The following GRAMD1B variants were observed in gnomAD, a reference collection of about 807,000 sequenced individuals.
GRAMD1B encodes GRAM domain containing 1B, also known as protein Aster-B.
GRAMD1B carries 37 observed loss-of-function variants against 99.7 expected under a neutral mutation model. The ratio of observed to expected loss-of-function variants is 0.37; its 90% confidence interval spans 0.29 to 0.49. GRAMD1B has a LOEUF of 0.49. Ranked by LOEUF, GRAMD1B falls within the 20% of genes least tolerant of loss-of-function variation. The probability of loss-of-function intolerance (pLI) is 0.98; values close to 1 mark genes in which losing one functional copy is unlikely to be tolerated. For missense variants in GRAMD1B, 888 were observed against 1,009.2 expected (o/e 0.88, Z 1.63); for synonymous variants, 427 against 387.6 (o/e 1.10, Z -1.19).
chr11:123,388,686 C>T (rs2135836876), intron 1 of GRAMD1B, among the ~76,000 whole-genome samples: 1 of 99,418 alleles, frequency 1.0e-5, no homozygotes, highest in Admixed American at 9.0e-5. Flanking sequence ...CTGTTTCAAA[C>T]AAACAAACAA....
At chr11:123,535,743 TTGTC>T (rs1220804855) in intron 2 of GRAMD1B, among the ~76,000 whole-genome samples, 2 of 152,206 alleles carry the variant, frequency 1.3e-5, no homozygotes, top group Non-Finnish European at 1.5e-5. Flanking sequence ...AAGATGAACA[TTGTC>T]TGTTCACCGT....
chr11:123,604,966 C>G (rs898061931), intron 9 of GRAMD1B, among the ~76,000 whole-genome samples: 1 of 152,100 alleles, frequency 6.6e-6, no homozygotes, highest in Admixed American at 6.5e-5. Flanking sequence ...TGCTCAGAAC[C>G]CAGATATTTG....
chr11:123,471,750 A>G (rs182350469), intron 1 of GRAMD1B, among the ~76,000 whole-genome samples: 41 of 152,328 alleles, frequency 2.7e-4, no homozygotes, highest in Admixed American at 2.0e-3. Flanking sequence ...GGCATTGAGT[A>G]TAACATCCAG....
At chr11:123,386,340 C>T (rs1947056498) in intron 1 of GRAMD1B, among the ~76,000 whole-genome samples, 1 of 152,102 alleles carries the variant, frequency 6.6e-6, no homozygotes, top group African/African-American at 2.4e-5. Flanking sequence ...GGAAGACCTC[C>T]TCAAGGGGTG....
chr11:123,492,139 A>G lies in GRAMD1B; in HGVS notation c.452+11246A>G, dbSNP rs1227552981. ...GACTGGGAGACTGAGTCTGTGCCTC[A>G]CTGTGTGCCTCCCAACGAGGTGCCT... On this transcript the variant is annotated intron_variant, in intron 2 of 19. Transcript: ENST00000635736. This position sits in a 1 kb window ranked among gnomAD's most constrained non-coding sequence, Gnocchi z 4.2. Among the ~76,000 whole-genome samples, 1 of 152,176 alleles carries G rather than the reference A, an allele frequency of 6.6e-6. No individual in the cohort carries two copies. Among genetic ancestry groups the G allele is most frequent in the Non-Finnish European group, 1.5e-5 (1 of 68,018 alleles).
At chr11:123,452,339 T>C (rs1373671704) in intron 1 of GRAMD1B, among the ~76,000 whole-genome samples, 4 of 152,294 alleles carry the variant, frequency 2.6e-5, no homozygotes, top group East Asian at 1.9e-4. Context: ...GTGAAGGACA[T>C]TTTTTCTGGT....
At chr11:123,618,138 C>A (rs528953041) in intron 17 of GRAMD1B, among the ~76,000 whole-genome samples, 1 of 152,130 alleles carries the variant, frequency 6.6e-6, no homozygotes, top group African/African-American at 2.4e-5. Context: ...ATTTAGCACC[C>A]GTGGAAATAC....
intron 10 of GRAMD1B, 134 bp from the exon 11 acceptor site, chr11:123,606,475 C>T: frequency 1.3e-6 from 1 of 741,418 alleles, no homozygotes; most frequent in Non-Finnish European, 2.2e-6. Flanking sequence ...GGCTTTGGAG[C>T]CTGACTCTGA....
Position 123,431,222 on chromosome 11 carries a change from T to C in GRAMD1B, c.374+56T>C, listed in dbSNP as rs1194531660. ...TTCCCTCCCGTCCTCTCCAGAGCCG[T>C]CCAGGGCCCCGGGGCATTCTGGGGG... is the stretch of plus-strand genomic sequence containing the variant. On this transcript the variant is annotated intron_variant, in intron 1 of 19. Coordinates refer to ENST00000635736, the MANE Select transcript of GRAMD1B (RefSeq NM_001387025.1). 6 of 637,858 alleles carry C rather than the reference T, an allele frequency of 9.4e-6. 1 individual carries two copies. Among genetic ancestry groups the C allele is most frequent in the Admixed American group, 4.9e-5 (2 of 41,234 alleles). The allele number at this position is 637,858 out of a possible 1,614,324, so 39.5% of individuals were successfully genotyped here.
At chr11:123,536,661 T>C (rs935817568) in intron 2 of GRAMD1B, among the ~76,000 whole-genome samples, 3 of 152,216 alleles carry the variant, frequency 2.0e-5, no homozygotes, top group Non-Finnish European at 4.4e-5. Context: ...ACTACTGTTT[T>C]TCATGCCTTA....
At chr11:123,476,501 A>G (rs138555506) in intron 1 of GRAMD1B, among the ~76,000 whole-genome samples, 9 of 152,306 alleles carry the variant, frequency 5.9e-5, no homozygotes, top group African/African-American at 2.2e-4. Flanking sequence ...GATCCTGTAT[A>G]TACCCTATGC....
chr11:123,415,143 G>A (rs1256848834), intron 1 of GRAMD1B, among the ~76,000 whole-genome samples: 5 of 111,676 alleles, frequency 4.5e-5, no homozygotes, highest in African/African-American at 7.2e-5. Context: ...TGGCTCTGTC[G>A]CCAGGCTGGA....
chr11:123,491,997 G>A, intron 2 of GRAMD1B: 1 of 398,922 alleles, frequency 2.5e-6, no homozygotes, highest in African/African-American at 2.1e-5. Flanking sequence ...GTTTGGGATT[G>A]CCTGGGTTGG....
chr11:123,425,699 T>TC (rs1948623906), upstream of GRAMD1B, among the ~76,000 whole-genome samples: 1 of 152,178 alleles, frequency 6.6e-6, no homozygotes, highest in South Asian at 2.1e-4. Flanking sequence ...TGAAGCATTT[T>TC]CTCCCTTTTT....
At chr11:123,455,641 T>C (rs999805653) in intron 1 of GRAMD1B, among the ~76,000 whole-genome samples, 2 of 152,188 alleles carry the variant, frequency 1.3e-5, no homozygotes, top group African/African-American at 4.8e-5. Context: ...CTCTCTGCCC[T>C]TAACATATTT....
At chr11:123,518,105 C>T (rs904441731) in intron 2 of GRAMD1B, among the ~76,000 whole-genome samples, 7 of 152,186 alleles carry the variant, frequency 4.6e-5, no homozygotes, top group African/African-American at 1.7e-4. Flanking sequence ...CAGGCAACGG[C>T]CCCTCTCCTG....
At chr11:123,487,535 C>T (rs554768830) in intron 2 of GRAMD1B, among the ~76,000 whole-genome samples, 16 of 152,320 alleles carry the variant, frequency 1.1e-4, no homozygotes, top group Admixed American at 6.5e-4. Context: ...GGTCATGCCA[C>T]GTCCTGCTGT....
chr11:123,614,628 A>G, intron 16 of GRAMD1B, 117 bp from the exon 17 acceptor site: 1 of 608,304 alleles, frequency 1.6e-6, no homozygotes, highest in Non-Finnish European at 3.0e-6. Context: ...TTGCTGTCAC[A>G]GTGTCATGGA....
intron 1 of GRAMD1B, among the ~76,000 whole-genome samples, chr11:123,438,896 G>A (rs1378990170): frequency 2.0e-5 from 3 of 152,206 alleles, no homozygotes; most frequent in African/African-American, 7.2e-5. Flanking sequence ...ACCCCAGTGG[G>A]CAAACTGCTG....
Sources: allele counts gnomAD v4.1 joint callset (sites outside exome capture counted in the v4.1 genomes callset), GRCh38; gene constraint gnomAD v4.1.1; non-coding constraint Gnocchi (gnomAD v3.1); transcripts MANE v1.5; gene names NCBI Gene and HGNC (gene_info 2026-07-23, HGNC 2026-07-21).